The following DPH6 variants were observed in gnomAD, a reference collection of about 807,000 sequenced individuals.
DPH6 encodes the protein diphthamine biosynthesis 6.
DPH6 carries 33 observed loss-of-function variants against 38.2 expected under a neutral mutation model. The ratio of observed to expected loss-of-function variants is 0.86; its 90% CI spans 0.65 to 1.15. DPH6 has a LOEUF of 1.15. DPH6 is among the 50% of genes most tolerant of loss of function. The pLI is 0.00. For missense variants in DPH6, 325 were observed against 320.0 expected (o/e 1.02, Z -0.12); for synonymous variants, 108 against 103.0 (o/e 1.05, Z -0.30).
chr15:35,455,183 T>C (rs749255181), intron 3 of DPH6, among the ~76,000 whole-genome samples: 32 of 152,148 alleles, frequency 2.1e-4, no homozygotes, highest in Admixed American at 3.9e-4. Flanking sequence ...TTTTCCCAGA[T>C]TGAGTAACTT....
At chr15:35,358,100 T>C (rs942615954) in intron 3 of DPH6, among the ~76,000 whole-genome samples, 2 of 152,228 alleles carry the variant, frequency 1.3e-5, no homozygotes, top group Middle Eastern at 3.2e-3. Flanking sequence ...TTTTTCTGTG[T>C]CTTTGTTGGA....
exon 4 of DPH6, chr15:35,219,038 T>G (rs565469006): frequency 1.3e-5 from 2 of 152,206 alleles, no homozygotes; most frequent in Admixed American, 6.5e-5. Context: ...TTGTCTTTCA[T>G]GAAGATATTT....
intron 5 of DPH6, among the ~76,000 whole-genome samples, chr15:35,416,946 G>A (rs2053443965): frequency 1.3e-5 from 2 of 151,938 alleles, no homozygotes; most frequent in African/African-American, 4.8e-5. Context: ...TGATATTAGG[G>A]ATGTTAGGGA....
In DPH6 at chr15:35,298,794, C is replaced by T. The variant is rs1483504678; in HGVS notation, n.200+74727G>A. ...TTGCGCTGGGCCGGGTTGGAGATCT[C>T]GGTCTGTCTTGTTCCTCGTACACTG... is the stretch of plus-strand genomic sequence containing the variant. On this transcript the variant is annotated intron_variant and non_coding_transcript_variant, in intron 3 of 3. Coordinates refer to the DPH6 transcript ENST00000560386. 4.1e-6 allele frequency: 5 copies of T among 1,209,400 alleles called. No individual in the cohort carries two copies. The Admixed American group carries it at 5.0e-5, about 12-fold the overall frequency. 74.9% of individuals were successfully genotyped at this position (1,209,400 alleles called of 1,614,324 possible). A position where few individuals can be genotyped will look rare whatever the true frequency, so the allele number is the denominator to read the frequency against.
At chr15:35,429,849 G>C (rs570809931) in intron 5 of DPH6, among the ~76,000 whole-genome samples, 4 of 152,208 alleles carry the variant, frequency 2.6e-5, no homozygotes, top group African/African-American at 9.6e-5. Flanking sequence ...TGTTAACGCT[G>C]TTTTATCTTA....
the DPH6 span, among the ~76,000 whole-genome samples, chr15:35,179,776 G>C: frequency 6.6e-6 from 1 of 152,048 alleles, no homozygotes; most frequent in Non-Finnish European, 1.5e-5. Context: ...GAGAGGATGG[G>C]AGACAAGACC....
At chr15:35,151,025 G>A in the DPH6 span, among the ~76,000 whole-genome samples, 8,763 of 151,824 alleles carry the variant, frequency 0.058, 347 homozygotes, top group African/African-American at 0.11. Context: ...CACCAACCCC[G>A]CGAAAACAAA....
intron 5 of DPH6, among the ~76,000 whole-genome samples, chr15:35,427,832 A>ACCAC (rs2053587842): frequency 6.6e-6 from 1 of 152,134 alleles, no homozygotes; most frequent in South Asian, 2.1e-4. Flanking sequence ...AAAACTTGCT[A>ACCAC]AGTAATGAAA....
At chr15:35,382,146 C>A (rs545167676) in intron 6 of DPH6, among the ~76,000 whole-genome samples, 3 of 152,112 alleles carry the variant, frequency 2.0e-5, no homozygotes, top group Admixed American at 6.5e-5. Context: ...AAAAAAATAA[C>A]ATTAAGAGGC....
intron 3 of DPH6, among the ~76,000 whole-genome samples, chr15:35,249,054 A>G (rs2051654943): frequency 1.3e-5 from 2 of 152,272 alleles, no homozygotes; most frequent in Admixed American, 1.3e-4. Flanking sequence ...ATTATATTAC[A>G]GATTTCCAGA....
At chr15:35,510,228 A>C (rs1012490408) in intron 3 of DPH6, among the ~76,000 whole-genome samples, 1 of 152,070 alleles carries the variant, frequency 6.6e-6, no homozygotes, top group Non-Finnish European at 1.5e-5. Flanking sequence ...ACAAAAACAA[A>C]AAACAGGTGT....
At chr15:35,305,171 T>C (rs2052079687) in intron 3 of DPH6, among the ~76,000 whole-genome samples, 1 of 152,156 alleles carries the variant, frequency 6.6e-6, no homozygotes, top group South Asian at 2.1e-4. Flanking sequence ...TCAAGTCAGG[T>C]AGTACGCTGT....
chr15:35,433,828 T>A (rs894522268), intron 5 of DPH6, among the ~76,000 whole-genome samples: 1 of 152,140 alleles, frequency 6.6e-6, no homozygotes. Context: ...GTTTGGTCAC[T>A]GGGATGTTTA....
At chr15:35,454,698 T>G (rs781456580) in intron 4 of DPH6, 49 bp downstream of exon 4, 4 of 1,457,838 alleles carry the variant, frequency 2.7e-6, no homozygotes, top group Non-Finnish European at 3.8e-6. Flanking sequence ...CTTATTCACA[T>G]TCTTAAAACA....
intron 3 of DPH6, among the ~76,000 whole-genome samples, chr15:35,263,544 A>G (rs2051762998): frequency 6.6e-6 from 1 of 151,644 alleles, no homozygotes; most frequent in African/African-American, 2.4e-5. Context: ...CTGGGGCTAC[A>G]GGCATCCACC....
chr15:35,425,784 A>G (rs1442491684), intron 5 of DPH6, among the ~76,000 whole-genome samples: 3 of 145,272 alleles, frequency 2.1e-5, no homozygotes, highest in East Asian at 2.0e-4. Context: ...CTTTCCATGT[A>G]TATCATATAT....
chr15:35,457,197 T>C (rs2141095923), intron 3 of DPH6, among the ~76,000 whole-genome samples: 1 of 151,564 alleles, frequency 6.6e-6, no homozygotes, highest in South Asian at 2.1e-4. Flanking sequence ...TCAACTGATC[T>C]GCCCGCCTTG....
At chr15:35,533,101 C>CA (rs2055113424) in intron 3 of DPH6, among the ~76,000 whole-genome samples, 1 of 101,086 alleles carries the variant, frequency 9.9e-6, no homozygotes, top group South Asian at 5.3e-4. Flanking sequence ...GAGCGACACT[C>CA]AGTCTCGAAA....
chr15:35,499,930 G>C (rs904799003), intron 3 of DPH6, among the ~76,000 whole-genome samples: 7 of 152,162 alleles, frequency 4.6e-5, no homozygotes, highest in Admixed American at 4.6e-4. Flanking sequence ...CAACCAGTTT[G>C]CTAAAGAAAT....
Sources: allele counts gnomAD v4.1 joint callset (sites outside exome capture counted in the v4.1 genomes callset), GRCh38; gene constraint gnomAD v4.1.1; transcripts MANE v1.5; gene names NCBI Gene and HGNC (gene_info 2026-07-23, HGNC 2026-07-21).